NRBF2: variants seen among roughly 807,000 people sequenced by gnomAD.
The protein encoded by NRBF2 is nuclear receptor binding factor 2.
Under a neutral mutation model 28.5 loss-of-function variants are expected in NRBF2, and 12 were observed. That is an observed-to-expected ratio of 0.42 (90% CI 0.27 to 0.68). The LOEUF (loss-of-function observed/expected upper bound fraction) is 0.68, where lower values mean the gene tolerates loss of function less well. Ranked by LOEUF, NRBF2 falls within the 30% of genes least tolerant of loss-of-function variation. The probability of loss-of-function intolerance (pLI) is 0.24; values close to 1 mark genes in which losing one functional copy is unlikely to be tolerated. For synonymous variants in NRBF2, 102 were observed against 116.5 expected, an observed-to-expected ratio of 0.88 and a Z score of 0.80; for missense variants, 274 against 333.5, an observed-to-expected ratio of 0.82 and a Z score of 1.39.
intron 1 of NRBF2, among the ~76,000 whole-genome samples, chr10:63,134,400 A>G (rs1841343414): frequency 6.6e-6 from 1 of 152,176 alleles, no homozygotes; most frequent in African/African-American, 2.4e-5. Flanking sequence ...CAGGTTTGCA[A>G]TTCATTTGCG....
Position 63,153,508 on chromosome 10 carries a change from T to C in NRBF2, c.157-3T>C, listed in dbSNP as rs2132698331. On this transcript the variant is annotated splice_region_variant and splice_polypyrimidine_tract_variant and intron_variant, in intron 3 of 3. Coordinates refer to ENST00000277746, the MANE Select transcript of NRBF2 (RefSeq NM_030759.5). ...CAATTTTATCTTTCCTTCTATGTAATAGGCTCATCTTTCACTGGAATTGCA... is the reference window on the plus strand; with the variant it reads ...CAATTTTATCTTTCCTTCTATGTAACAGGCTCATCTTTCACTGGAATTGCA... 1 of 1,597,910 alleles carries C rather than the reference T, an allele frequency of 6.3e-7. No homozygotes were observed. The highest frequency in any genetic ancestry group is 8.5e-7 in the Non-Finnish European group (1 of 1,171,574).
At chr10:63,145,871 AAATC>A (rs1841552422) in intron 1 of NRBF2, among the ~76,000 whole-genome samples, 1 of 152,232 alleles carries the variant, frequency 6.6e-6, no homozygotes, top group African/African-American at 2.4e-5. Flanking sequence ...AGCTTGTTAA[AAATC>A]AAGAAAATAG....
At chr10:63,145,449 TC>T (rs1250816839) in intron 1 of NRBF2, among the ~76,000 whole-genome samples, 4 of 152,224 alleles carry the variant, frequency 2.6e-5, no homozygotes, top group Admixed American at 1.3e-4. Context: ...CCTCAGATGA[TC>T]CGCCTGCCTC....
chr10:63,139,744 C>A (rs140535048), intron 1 of NRBF2, among the ~76,000 whole-genome samples: 4 of 152,156 alleles, frequency 2.6e-5, no homozygotes, highest in Non-Finnish European at 4.4e-5. Context: ...CCTGGCTAGC[C>A]TCTGAATGTC....
At chr10:63,148,354 G>A (rs1391701376) in intron 2 of NRBF2, among the ~76,000 whole-genome samples, 2 of 152,182 alleles carry the variant, frequency 1.3e-5, no homozygotes, top group Non-Finnish European at 2.9e-5. Flanking sequence ...TTTTAGAATG[G>A]AGTTGAAAGT....
chr10:63,144,241 CT>C (rs1841524577), intron 1 of NRBF2, among the ~76,000 whole-genome samples: 1 of 152,150 alleles, frequency 6.6e-6, no homozygotes, highest in South Asian at 2.1e-4. Flanking sequence ...TCCCCCTCCC[CT>C]GTTCAATGAT....
chr10:63,137,150 C>G (rs34429458), intron 1 of NRBF2, among the ~76,000 whole-genome samples: 30,640 of 152,030 alleles, frequency 0.2, 4,054 homozygotes, highest in Non-Finnish European at 0.29. Flanking sequence ...TTTTCAAAAA[C>G]TTTTTGTGGA....
intron 1 of NRBF2, among the ~76,000 whole-genome samples, chr10:63,137,463 C>T (rs1047965869): frequency 6.6e-6 from 1 of 152,154 alleles, no homozygotes; most frequent in African/African-American, 2.4e-5. Context: ...TTATATGTGG[C>T]TGTTGCTCAT....
rs56059529 is a variant in NRBF2 at position 63,150,252 on chromosome 10, G to A, written c.116-1898G>A. On this transcript the variant is annotated intron_variant, in intron 2 of 3. Transcript: ENST00000277746. ...CAGGTGTGAGCCACCACACCCGGCCGTCTTCACAGATTTAAACATGAACAA... is the reference window on the plus strand; with the variant it reads ...CAGGTGTGAGCCACCACACCCGGCCATCTTCACAGATTTAAACATGAACAA... The A allele has an allele frequency of 8.3e-3, 3,292 of 397,038 alleles. 105 individuals are homozygous for A. Among genetic ancestry groups the A allele is most frequent in the African/African-American group, 0.065 (2,969 of 45,818 alleles). 24.6% of individuals were successfully genotyped at this position (397,038 alleles called of 1,614,324 possible). A position where few individuals can be genotyped will look rare whatever the true frequency, so the allele number is the denominator to read the frequency against.
rs558738532 is a variant in NRBF2 at position 63,153,595 on chromosome 10, G to A, written c.241G>A (p.Glu81Lys). The change falls in exon 4 of 4, where the codon GAA becomes AAA. Residue 81 changes from glutamate to lysine, a missense_variant. By Grantham distance (56) the Glu-to-Lys change is moderately conservative. Transcript: ENST00000277746. ...IQERWKRAQR[E>K]ERLKAQQNTD... is the part of the protein sequence containing the mutation. The stretch of plus-strand genomic sequence containing the variant: ...AGAGAGATGGAAAAGGGCCCAGCGT[G>A]AAGAAAGATTGAAAGCCCAGCAGAA... 3 of 1,611,986 alleles carry A rather than the reference G, an allele frequency of 1.9e-6. No homozygotes were observed. The East Asian group carries it at 6.7e-5, about 36-fold the overall frequency.
At chr10:63,152,012 C>A (rs1841658836) in intron 2 of NRBF2, 138 bp from the exon 3 acceptor site, 1 of 526,690 alleles carries the variant, frequency 1.9e-6, no homozygotes, top group African/African-American at 2.0e-5. Context: ...GTTAAGAATT[C>A]TTTTAAAAAA....
intron 1 of NRBF2, among the ~76,000 whole-genome samples, chr10:63,142,974 T>G (rs1841499835): frequency 6.6e-6 from 1 of 151,864 alleles, no homozygotes; most frequent in Non-Finnish European, 1.5e-5. Context: ...TGAGATGGTG[T>G]TTCACCATAT....
At chr10:63,148,154 A>C (rs1202605839) in intron 2 of NRBF2, among the ~76,000 whole-genome samples, 1 of 152,196 alleles carries the variant, frequency 6.6e-6, no homozygotes, top group Non-Finnish European at 1.5e-5. Flanking sequence ...TGAATATATA[A>C]AGAGAAGGAA....
At chr10:63,134,717 A>G (rs1311013347) in intron 1 of NRBF2, among the ~76,000 whole-genome samples, 1 of 152,188 alleles carries the variant, frequency 6.6e-6, no homozygotes, top group East Asian at 1.9e-4. Flanking sequence ...CTTAATTTAA[A>G]ATCTATTTGT....
chr10:63,145,597 G>A (rs1341779358), intron 1 of NRBF2, among the ~76,000 whole-genome samples: 1 of 152,188 alleles, frequency 6.6e-6, no homozygotes, highest in Non-Finnish European at 1.5e-5. Flanking sequence ...TTTGCTGTTA[G>A]AACTTCTGAT....
At chr10:63,148,860 C>A (rs914218086) in intron 2 of NRBF2, among the ~76,000 whole-genome samples, 23 of 152,172 alleles carry the variant, frequency 1.5e-4, no homozygotes, top group Admixed American at 1.3e-3. Flanking sequence ...AAGAACAAAA[C>A]CTGAAATAAG....
chr10:63,149,780 C>G lies in NRBF2; in HGVS notation c.116-2370C>G, dbSNP rs141638688. On this transcript the variant is annotated intron_variant, in intron 2 of 3. Transcript: ENST00000277746. Reference sequence around the variant, plus strand: ...AGGGTGGCATTTCAGTTGGCTAAAGCTTGGTTTTGTGAAAACTATTGTTTG... The same window carrying G: ...AGGGTGGCATTTCAGTTGGCTAAAGGTTGGTTTTGTGAAAACTATTGTTTG... Among the ~76,000 whole-genome samples the G allele has an allele frequency of 2.2e-3, 329 of 152,228 alleles. 2 individuals carry two copies. The highest frequency in any genetic ancestry group is 7.5e-3 in the African/African-American group (312 of 41,518).
At chr10:63,142,758 C>A (rs1841492665) in intron 1 of NRBF2, among the ~76,000 whole-genome samples, 2 of 112,192 alleles carry the variant, frequency 1.8e-5, no homozygotes. Context: ...AGCCCCCAGT[C>A]ATTTCTTTTC....
chr10:63,142,776 C>CTTTTTTTTTT (rs1202067005), intron 1 of NRBF2, among the ~76,000 whole-genome samples: 2 of 26,500 alleles, frequency 7.5e-5, no homozygotes, highest in African/African-American at 2.7e-4. Flanking sequence ...TTCTTTCTTT[C>CTTTTTTTTTT]TTTCTTTTTT....
Sources: allele counts gnomAD v4.1 joint callset (sites outside exome capture counted in the v4.1 genomes callset), GRCh38; gene constraint gnomAD v4.1.1; transcripts MANE v1.5; gene names NCBI Gene and HGNC (gene_info 2026-07-23, HGNC 2026-07-21).